ADAMTS2: variants seen among roughly 807,000 people sequenced by gnomAD.
ADAMTS2 encodes the protein ADAM metallopeptidase with thrombospondin type 1 motif 2, also known as A disintegrin and metalloproteinase with thrombospondin motifs 2.
A neutral mutation model predicts 123.0 loss-of-function variants in ADAMTS2; 50 were observed. The observed-to-expected ratio is 0.41, with a 90% CI of 0.32 to 0.51. ADAMTS2 has a LOEUF of 0.51. Ranked by LOEUF, ADAMTS2 falls within the 20% of genes least tolerant of loss-of-function variation. The pLI is 0.35. For missense variants in ADAMTS2, 1,494 were observed against 1,705.2 expected, an observed-to-expected ratio of 0.88 and a Z score of 2.18; for synonymous variants, 678 against 695.4, an observed-to-expected ratio of 0.98 and a Z score of 0.39.
intron 5 of ADAMTS2, among the ~76,000 whole-genome samples, chr5:179,172,111 C>T (rs746668239): frequency 2.0e-5 from 3 of 152,220 alleles, no homozygotes; most frequent in East Asian, 1.9e-4. Flanking sequence ...CAGCAGGAGG[C>T]GGAAGCAAGG....
intron 4 of ADAMTS2, among the ~76,000 whole-genome samples, chr5:179,205,504 G>A (rs571533748): frequency 5.3e-5 from 8 of 152,316 alleles, no homozygotes; most frequent in South Asian, 2.1e-4. Context: ...CCAACGACGC[G>A]CCTGGAAAAG....
chr5:179,325,265 G>A (rs1184402943), intron 2 of ADAMTS2, among the ~76,000 whole-genome samples: 1 of 152,208 alleles, frequency 6.6e-6, no homozygotes, highest in African/African-American at 2.4e-5. Flanking sequence ...GGTTCTGGGG[G>A]CCTGTGCTTT....
At chr5:179,156,605 G>A (rs557851660) in intron 6 of ADAMTS2, among the ~76,000 whole-genome samples, 20 of 152,186 alleles carry the variant, frequency 1.3e-4, no homozygotes, top group African/African-American at 3.1e-4. Context: ...TGACCTGCCC[G>A]CCTCGGCCTC....
rs1053961242 is a variant in ADAMTS2, at chr5:179,197,841, T to C, written c.891+9672A>G. 6.6e-6 allele frequency among the ~76,000 whole-genome samples: 1 copy of C among 152,162 alleles called. No homozygotes were observed. The highest frequency in any genetic ancestry group is 2.4e-5 in the African/African-American group (1 of 41,454). ...CTGTACCTGGGGACGAAACTTGAGG[T>C]GCCACACACATCTGAGCTGCCTCCT... On this transcript the variant is annotated intron_variant, in intron 4 of 21. Transcript: ENST00000251582. The surrounding 1 kb of genome is among the most constrained non-coding windows in gnomAD (Gnocchi z 4.2).
intron 4 of ADAMTS2, among the ~76,000 whole-genome samples, chr5:179,190,464 AACAGGT>A (rs60104456): frequency 0.24 from 35,829 of 151,940 alleles, 4,629 homozygotes; most frequent in African/African-American, 0.34. Context: ...AAAGGAGAAA[AACAGGT>A]ATTAAAGGAC....
rs1398717535 is a variant in ADAMTS2 at position 179,132,087 on chromosome 5, G to A, written c.2290+143C>T. 4 of 792,228 alleles carry A rather than the reference G, an allele frequency of 5.0e-6. No homozygotes were observed. The highest frequency in any genetic ancestry group is 1.7e-5 in the African/African-American group (1 of 58,712). 49.1% of individuals were successfully genotyped at this position (792,228 alleles called of 1,614,324 possible). A position where few individuals can be genotyped will look rare whatever the true frequency, so the allele number is the denominator to read the frequency against. ...AAAGGGCCCAGGTGGGCTGAGCAGA[G>A]GGACAGGTTGGGGAGGGGCTGCCCT... is the stretch of plus-strand genomic sequence containing the variant. On this transcript the variant is annotated intron_variant, in intron 15 of 21. Coordinates refer to ENST00000251582, the MANE Select transcript of ADAMTS2 (RefSeq NM_014244.5). This position sits in a 1 kb window ranked among gnomAD's most constrained non-coding sequence, Gnocchi z 6.1.
intron 19 of ADAMTS2, among the ~76,000 whole-genome samples, chr5:179,124,692 T>C (rs557517148): frequency 2.0e-5 from 3 of 152,244 alleles, no homozygotes; most frequent in Non-Finnish European, 4.4e-5. Flanking sequence ...GAAAGGGGAA[T>C]GCTCTGGTCA....
At chr5:179,291,847 C>T (rs1373348522) in intron 2 of ADAMTS2, among the ~76,000 whole-genome samples, 2 of 151,998 alleles carry the variant, frequency 1.3e-5, no homozygotes, top group South Asian at 2.1e-4. Context: ...AGTGATCCTC[C>T]CAACTCAGCC....
intron 3 of ADAMTS2, among the ~76,000 whole-genome samples, chr5:179,271,905 A>T (rs1766545479): frequency 6.6e-6 from 1 of 152,128 alleles, no homozygotes; most frequent in South Asian, 2.1e-4. Flanking sequence ...AAATCACAGC[A>T]CGGGGGCTGG....
intron 4 of ADAMTS2, among the ~76,000 whole-genome samples, chr5:179,183,151 G>A (rs1462118629): frequency 6.6e-6 from 1 of 152,230 alleles, no homozygotes; most frequent in Non-Finnish European, 1.5e-5. Context: ...CTAAACCACA[G>A]AAGTCCTTGC....
chr5:179,287,040 G>A (rs1420331337), intron 2 of ADAMTS2, among the ~76,000 whole-genome samples: 2 of 152,194 alleles, frequency 1.3e-5, no homozygotes, highest in Admixed American at 6.5e-5. Flanking sequence ...AGGAACTGGG[G>A]GATCTAGGGA....
intron 3 of ADAMTS2, among the ~76,000 whole-genome samples, chr5:179,213,820 T>C (rs1393492148): frequency 6.6e-6 from 1 of 151,928 alleles, no homozygotes; most frequent in Non-Finnish European, 1.5e-5. Context: ...TGGAAAAAAA[T>C]ACAAAAGATA....
chr5:179,134,360 T>A (rs996720099), intron 13 of ADAMTS2, among the ~76,000 whole-genome samples: 3 of 152,100 alleles, frequency 2.0e-5, no homozygotes, highest in Non-Finnish European at 4.4e-5. Context: ...AAGCACCTCC[T>A]TTATCCAGGA....
At position 179,344,144 on chromosome 5, in the gene ADAMTS2, C is replaced by G. The variant is rs1392499776; in HGVS notation, c.157G>C (p.Gly53Arg). 9 of 1,599,720 alleles carry G rather than the reference C, an allele frequency of 5.6e-6. No individual in the cohort carries two copies. The highest frequency in any genetic ancestry group is 6.0e-6 in the Non-Finnish European group (7 of 1,173,760). The change falls in exon 2 of 22, where the codon GGA becomes CGA. Residue 53 changes from glycine (G) to arginine (R), a missense_variant. Physicochemically the swap from Gly to Arg is moderately radical, Grantham distance 125 (BLOSUM62 -2). This residue lies in a region of ADAMTS2 where 237 missense variants were observed against 233.7 expected (regional missense o/e 1.01). Coordinates refer to ENST00000251582, the MANE Select transcript of ADAMTS2 (RefSeq NM_014244.5). ...ADPPGGPLGHGAERILAVPVR... is the reference protein window; with the variant it reads ...ADPPGGPLGHRAERILAVPVR... ...GGCACCGCCAGGATGCGCTCCGCTC[C>G]GTGCCCCAGGGGCCCGCCTGCAACG...
At chr5:179,156,610 G>A (rs576092410) in intron 6 of ADAMTS2, among the ~76,000 whole-genome samples, 7 of 152,086 alleles carry the variant, frequency 4.6e-5, no homozygotes, top group South Asian at 2.1e-4. Context: ...TGCCCGCCTC[G>A]GCCTCCCACA....
chr5:179,312,527 A>AT lies in ADAMTS2; in HGVS notation c.534+31239dup, dbSNP rs1276067542. Reference sequence around the variant, plus strand: ...CAGAACCGTGAGAAATAAGCTTCCGATGCTTTTAAGCCGCTCCGTTTATGG... The same window carrying AT: ...CAGAACCGTGAGAAATAAGCTTCCGATTGCTTTTAAGCCGCTCCGTTTATGG... On this transcript the variant is annotated intron_variant, in intron 2 of 21. Transcript: ENST00000251582. The surrounding 1 kb of genome is among the most constrained non-coding windows in gnomAD (Gnocchi z 4.2). Among the ~76,000 whole-genome samples the AT allele has an allele frequency of 2.0e-5, 3 of 152,242 alleles. No homozygotes were observed. The highest frequency in any genetic ancestry group is 4.8e-5 in the African/African-American group (2 of 41,460).
Position 179,121,336 on chromosome 5 carries a change from A to AC in ADAMTS2, c.3178+324dup, listed in dbSNP as rs556972809. 1,337 of 190,496 alleles carry AC rather than the reference A, an allele frequency of 7.0e-3. 15 individuals carry two copies. The highest frequency in any genetic ancestry group is 0.029 in the African/African-American group (1,225 of 42,234). The allele number at this position is 190,496 out of a possible 1,614,324, so 11.8% of individuals were successfully genotyped here. A position where few individuals can be genotyped will look rare whatever the true frequency, so the allele number is the denominator to read the frequency against. ...CCCGCACGACGCCGCGAGACCGCGAACCCCCCCGGGCCGGGACGGGCTCGG... is the reference window on the plus strand; with the variant it reads ...CCCGCACGACGCCGCGAGACCGCGAACCCCCCCCGGGCCGGGACGGGCTCGG... On this transcript the variant is annotated intron_variant, in intron 21 of 21. Transcript: ENST00000251582.
At chr5:179,230,975 C>G (rs1481176344) in intron 3 of ADAMTS2, among the ~76,000 whole-genome samples, 1 of 151,824 alleles carries the variant, frequency 6.6e-6, no homozygotes, top group Admixed American at 6.6e-5. Flanking sequence ...CGTGCCACTG[C>G]ACTCCAGCCT....
rs1419877496 is a variant in ADAMTS2, at chr5:179,181,044, C to T, written c.975+28G>A. On this transcript the variant is annotated intron_variant, in intron 5 of 21. Transcript: ENST00000251582. The surrounding 1 kb of genome is among the most constrained non-coding windows in gnomAD (Gnocchi z 4.1). ...GCCCCTCACTCCGAGGGGGTGGAGG[C>T]AGGCCCGGCTGGCCACAGTGCACTC... is the stretch of plus-strand genomic sequence containing the variant. The T allele has an allele frequency of 1.4e-5, 23 of 1,588,516 alleles. No homozygotes were observed. Among genetic ancestry groups the T allele is most frequent in the Non-Finnish European group, 2.0e-5 (23 of 1,157,348 alleles).
Sources: allele counts gnomAD v4.1 joint callset (sites outside exome capture counted in the v4.1 genomes callset), GRCh38; gene constraint gnomAD v4.1.1; regional missense constraint gnomAD v4.1.1; non-coding constraint Gnocchi (gnomAD v3.1); transcripts MANE v1.5; gene names NCBI Gene and HGNC (gene_info 2026-07-23, HGNC 2026-07-21).